TBL1XR1: variants seen among roughly 807,000 people sequenced by gnomAD.
TBL1XR1 encodes the protein F-box-like/WD repeat-containing protein TBL1XR1.
TBL1XR1 carries 5 observed loss-of-function variants against 66.9 expected under a neutral mutation model. The observed-to-expected ratio is 0.07, with a 90% CI of 0.04 to 0.16. The LOEUF is 0.16. TBL1XR1 is among the 10% of genes least tolerant of loss of function. The pLI, the probability that TBL1XR1 is intolerant of heterozygous loss-of-function variation, is 1.00. For missense variants in TBL1XR1, 238 were observed against 623.2 expected (o/e 0.38, Z 6.58); for synonymous variants, 210 against 206.0 (o/e 1.02, Z -0.17).
intron 1 of TBL1XR1, among the ~76,000 whole-genome samples, chr3:177,173,254 C>T (rs1045396831): frequency 3.3e-5 from 5 of 152,160 alleles, no homozygotes; most frequent in African/African-American, 9.7e-5. Flanking sequence ...CATATGTCCA[C>T]AAATTTTCCA....
At chr3:177,039,770 TG>T (rs140731886) in intron 10 of TBL1XR1, among the ~76,000 whole-genome samples, 1 of 152,004 alleles carries the variant, frequency 6.6e-6, no homozygotes, top group African/African-American at 2.4e-5. Flanking sequence ...TATAGTGCAA[TG>T]GGGGAGGAGG....
chr3:177,192,217 C>T (rs1045252416), intron 1 of TBL1XR1, among the ~76,000 whole-genome samples: 1 of 151,792 alleles, frequency 6.6e-6, no homozygotes, highest in Admixed American at 6.6e-5. Context: ...GAAACCCCGT[C>T]TCTACTAAAA....
chr3:177,083,861 G>A (rs373173993), intron 2 of TBL1XR1, among the ~76,000 whole-genome samples: 101 of 151,802 alleles, frequency 6.7e-4, no homozygotes, highest in Admixed American at 3.8e-3. Context: ...AAGCTGAGGC[G>A]GGTGGATCAC....
intron 3 of TBL1XR1, among the ~76,000 whole-genome samples, chr3:177,063,324 C>G (rs1016597384): frequency 1.4e-4 from 22 of 152,128 alleles, no homozygotes; most frequent in Admixed American, 1.4e-3. Flanking sequence ...CTGAGCTATT[C>G]AACTGTTTCT....
Position 177,050,630 on chromosome 3 carries a change from T to C in TBL1XR1, c.428-20A>G. 1.2e-6 allele frequency: 2 copies of C among 1,613,230 alleles called. No homozygotes were observed. The highest frequency in any genetic ancestry group is 1.7e-6 in the Non-Finnish European group (2 of 1,179,434). ...GATTATCTGCATCGTGAAACACAAG[T>C]AAGCATTTCCAGTTAGGCAGTATTA... On this transcript the variant is annotated intron_variant, in intron 5 of 15. Coordinates refer to ENST00000457928, the MANE Select transcript of TBL1XR1 (RefSeq NM_024665.7).
At chr3:177,054,236 A>C (rs1577037287) in intron 3 of TBL1XR1, among the ~76,000 whole-genome samples, 1 of 152,216 alleles carries the variant, frequency 6.6e-6, no homozygotes, top group East Asian at 1.9e-4. Flanking sequence ...CAAATGTAAA[A>C]GGTAAAACAA....
At chr3:177,112,095 A>ATG (rs1725677830) in intron 1 of TBL1XR1, among the ~76,000 whole-genome samples, 1 of 48,100 alleles carries the variant, frequency 2.1e-5, no homozygotes, top group Admixed American at 2.0e-4. Flanking sequence ...ATATATATAT[A>ATG]TATATATATA....
chr3:177,064,149 A>T (rs1718860833), intron 3 of TBL1XR1, among the ~76,000 whole-genome samples: 1 of 152,228 alleles, frequency 6.6e-6, no homozygotes, highest in South Asian at 2.1e-4. Context: ...CTGCTAAAAC[A>T]TTACAGTAAC....
At chr3:177,195,248 C>G (rs1332483992) in intron 1 of TBL1XR1, among the ~76,000 whole-genome samples, 2 of 151,918 alleles carry the variant, frequency 1.3e-5, no homozygotes, top group Non-Finnish European at 2.9e-5. Context: ...AGCAAGAAGC[C>G]TAATCACACA....
intron 1 of TBL1XR1, among the ~76,000 whole-genome samples, chr3:177,188,001 AT>A (rs1735659110): frequency 7.0e-6 from 1 of 142,910 alleles, no homozygotes; most frequent in South Asian, 2.2e-4. Context: ...CCAGGCAGGA[AT>A]ACAGTGGCAC....
At chr3:177,057,433 G>A (rs1028228291) in intron 3 of TBL1XR1, among the ~76,000 whole-genome samples, 1 of 152,096 alleles carries the variant, frequency 6.6e-6, no homozygotes, top group Admixed American at 6.5e-5. Flanking sequence ...TGGGAAACTA[G>A]CACATTACCT....
chr3:177,098,619 CAT>C (rs1723802015), intron 1 of TBL1XR1, 78 bp from the exon 2 acceptor site: 1 of 758,314 alleles, frequency 1.3e-6, no homozygotes, highest in African/African-American at 1.9e-5. Context: ...CCAAATGTTA[CAT>C]GTTTGAAATA....
At chr3:177,198,870 AC>A (rs1249929457), upstream of TBL1XR1, among the ~76,000 whole-genome samples, 1 of 10,728 alleles carries the variant, frequency 9.3e-5, no homozygotes, top group East Asian at 1.8e-3. Context: ...TTTGCGACAC[AC>A]ACACACACAC....
At chr3:177,073,047 AAG>A (rs1010092972) in intron 2 of TBL1XR1, among the ~76,000 whole-genome samples, 1 of 152,142 alleles carries the variant, frequency 6.6e-6, no homozygotes, top group Non-Finnish European at 1.5e-5. Flanking sequence ...CTGGGTGACA[AAG>A]AGAGAGTTTG....
chr3:177,121,864 T>C (rs1325861587), intron 1 of TBL1XR1, among the ~76,000 whole-genome samples: 2 of 151,366 alleles, frequency 1.3e-5, no homozygotes, highest in Non-Finnish European at 2.9e-5. Context: ...AAAAAAAAAA[T>C]CCATGAAACT....
chr3:177,058,706 A>G (rs1285204861), intron 3 of TBL1XR1, among the ~76,000 whole-genome samples: 1 of 152,202 alleles, frequency 6.6e-6, no homozygotes, highest in East Asian at 1.9e-4. Context: ...TTGCTTTCCA[A>G]AAAGATTATT....
intron 1 of TBL1XR1, among the ~76,000 whole-genome samples, chr3:177,104,856 A>G (rs1724676979): frequency 6.6e-6 from 1 of 152,220 alleles, no homozygotes; most frequent in African/African-American, 2.4e-5. Context: ...GTGCAAGAAT[A>G]AAACAAAAAA....
chr3:177,019,366 A>C lies in TBL1XR1; in HGVS notation c.*6132T>G, dbSNP rs1467546894. 3 of 152,206 alleles carry C rather than the reference A, an allele frequency of 2.0e-5. No individual in the cohort carries two copies. Among genetic ancestry groups the C allele is most frequent in the Admixed American group, 2.0e-4 (3 of 15,282 alleles). 9.4% of individuals were successfully genotyped at this position (152,206 alleles called of 1,614,324 possible). A position where few individuals can be genotyped will look rare whatever the true frequency, so the allele number is the denominator to read the frequency against. On this transcript the variant is annotated 3_prime_UTR_variant, in exon 16 of 16. Coordinates refer to ENST00000457928, the MANE Select transcript of TBL1XR1 (RefSeq NM_024665.7). ...TAGTAATTGTCTTCTGTACTTTACT[A>C]AACACTTTGTGTTTAATATATTTTA... is the stretch of plus-strand genomic sequence containing the variant.
intron 1 of TBL1XR1, among the ~76,000 whole-genome samples, chr3:177,158,086 C>T (rs9843184): frequency 0.033 from 5,000 of 151,818 alleles, 279 homozygotes; most frequent in African/African-American, 0.11. Context: ...GGTCCCACCA[C>T]GGTAGTTTTC....
Sources: gnomAD v4.1 joint callset for allele counts (sites outside exome capture counted in the v4.1 genomes callset) on GRCh38, gnomAD v4.1.1 for gene constraint, MANE v1.5 for transcripts, NCBI Gene and HGNC (gene_info 2026-07-23, HGNC 2026-07-21) for gene names.